Variants in NAALADL2 observed in about 807,000 individuals in gnomAD.
NAALADL2 encodes the protein N-acetylated alpha-linked acidic dipeptidase like 2, also known as inactive N-acetylated-alpha-linked acidic dipeptidase-like protein 2.
In NAALADL2, 76 loss-of-function variants were observed where a neutral mutation model predicts 87.2. The ratio of observed to expected loss-of-function variants is 0.87; its 90% CI spans 0.72 to 1.05. The LOEUF (loss-of-function observed/expected upper bound fraction) is 1.05, where lower values mean the gene tolerates loss of function less well. NAALADL2 is among the 50% of genes least tolerant of loss of function. The probability of loss-of-function intolerance (pLI) is 0.00; values close to 1 mark genes in which losing one functional copy is unlikely to be tolerated. For missense variants in NAALADL2, 1,089 were observed against 945.8 expected, an observed-to-expected ratio of 1.15 and a Z score of -1.99; for synonymous variants, 354 against 331.0, an observed-to-expected ratio of 1.07 and a Z score of -0.75.
intron 10 of NAALADL2, among the ~76,000 whole-genome samples, chr3:175,583,854 A>G (rs980874541): frequency 1.3e-5 from 2 of 152,224 alleles, no homozygotes; most frequent in Non-Finnish European, 2.9e-5. Flanking sequence ...AGGACAAATC[A>G]TATTTGCCAA....
chr3:174,938,670 A>T (rs971768924), intron 1 of NAALADL2, among the ~76,000 whole-genome samples: 1 of 151,874 alleles, frequency 6.6e-6, no homozygotes, highest in African/African-American at 2.4e-5. Context: ...CTTTTCTCCA[A>T]AAACTTGCCA....
chr3:175,555,279 A>G (rs1715072753), intron 9 of NAALADL2, among the ~76,000 whole-genome samples: 1 of 152,228 alleles, frequency 6.6e-6, no homozygotes, highest in Non-Finnish European at 1.5e-5. Flanking sequence ...TATAGTGCTC[A>G]ATTATCAGAA....
intron 2 of NAALADL2, among the ~76,000 whole-genome samples, chr3:174,563,985 G>A (rs774592969): frequency 6.6e-6 from 1 of 152,144 alleles, no homozygotes; most frequent in East Asian, 1.9e-4. Context: ...GAACACTAGG[G>A]TGATCTGTCT....
chr3:175,772,914 A>G (rs1021065538), intron 13 of NAALADL2, among the ~76,000 whole-genome samples: 34 of 152,180 alleles, frequency 2.2e-4, no homozygotes, highest in African/African-American at 7.2e-4. Flanking sequence ...TCTAAAATAC[A>G]TATAAAATAT....
chr3:174,727,051 A>G (rs1732264160), intron 2 of NAALADL2, among the ~76,000 whole-genome samples: 1 of 152,106 alleles, frequency 6.6e-6, no homozygotes, highest in South Asian at 2.1e-4. Context: ...GAATCAGGAA[A>G]TAAAAGAAAG....
intron 2 of NAALADL2, among the ~76,000 whole-genome samples, chr3:174,589,875 A>C (rs992545067): frequency 3.3e-5 from 5 of 151,256 alleles, no homozygotes; most frequent in Admixed American, 2.0e-4. Context: ...TTTTTGAAAA[A>C]AGTCATATAT....
chr3:175,425,082 G>A (rs930540859), intron 5 of NAALADL2, among the ~76,000 whole-genome samples: 7 of 152,136 alleles, frequency 4.6e-5, no homozygotes, highest in African/African-American at 1.7e-4. Context: ...GGGATATTAA[G>A]TATGAGGGAA....
chr3:174,912,865 T>C (rs1056446180), intron 1 of NAALADL2, among the ~76,000 whole-genome samples: 2 of 152,220 alleles, frequency 1.3e-5, no homozygotes, highest in African/African-American at 2.4e-5. Context: ...TGAAAATATT[T>C]GGAATTAGAT....
chr3:175,160,555 C>G (rs1733039353), intron 2 of NAALADL2, among the ~76,000 whole-genome samples: 1 of 151,516 alleles, frequency 6.6e-6, no homozygotes, highest in African/African-American at 2.4e-5. Flanking sequence ...TTTCTCCATA[C>G]TGGTCAGGCT....
chr3:174,600,779 G>A (rs1043202917), intron 2 of NAALADL2, among the ~76,000 whole-genome samples: 1 of 151,980 alleles, frequency 6.6e-6, no homozygotes, highest in Admixed American at 6.6e-5. Flanking sequence ...GATGGGGGAG[G>A]CACCAAACAA....
At chr3:175,107,685 A>C (rs1723441231) in intron 2 of NAALADL2, among the ~76,000 whole-genome samples, 1 of 151,950 alleles carries the variant, frequency 6.6e-6, no homozygotes, top group Non-Finnish European at 1.5e-5. Context: ...TTAACTAATA[A>C]TATGAAAAAT....
At chr3:174,959,948 G>A (rs1352252282) in intron 1 of NAALADL2, among the ~76,000 whole-genome samples, 2 of 151,916 alleles carry the variant, frequency 1.3e-5, no homozygotes, top group Non-Finnish European at 2.9e-5. Flanking sequence ...AAAGTTAATT[G>A]TCCCTTAAAG....
At chr3:175,204,482 T>C (rs187234295) in intron 2 of NAALADL2, among the ~76,000 whole-genome samples, 1 of 152,194 alleles carries the variant, frequency 6.6e-6, no homozygotes, top group East Asian at 1.9e-4. Context: ...ACAGCCAACA[T>C]AATACTGAAT....
intron 4 of NAALADL2, among the ~76,000 whole-genome samples, chr3:175,313,621 T>C (rs1581376022): frequency 6.6e-6 from 1 of 152,220 alleles, no homozygotes. Context: ...AAATCCTACC[T>C]GTGGAATTCA....
At chr3:174,760,976 T>C (rs1455530265) in intron 3 of NAALADL2, among the ~76,000 whole-genome samples, 1 of 152,180 alleles carries the variant, frequency 6.6e-6, no homozygotes, top group Admixed American at 6.5e-5. Context: ...TTCCTAATGA[T>C]CCCCACACAG....
At position 175,627,401 on chromosome 3, in the gene NAALADL2, CA is replaced by C; in HGVS notation, c.1896+16del. 1 of 1,466,938 alleles carries C rather than the reference CA, an allele frequency of 6.8e-7. No individual in the cohort carries two copies. The highest frequency in any genetic ancestry group is 9.3e-7 in the Non-Finnish European group (1 of 1,075,698). The allele number at this position is 1,466,938 out of a possible 1,614,324, so 90.9% of individuals were successfully genotyped here. A position where few individuals can be genotyped will look rare whatever the true frequency, so the allele number is the denominator to read the frequency against. On this transcript the variant is annotated intron_variant, in intron 11 of 13. Transcript: ENST00000454872. Reference sequence around the variant, plus strand: ...CCATTACTAAGGTAGGGGAGAAATGCATTCAAAAATAGGTGAGAAATATTTG... The same window carrying C: ...CCATTACTAAGGTAGGGGAGAAATGCTTCAAAAATAGGTGAGAAATATTTG...
intron 2 of NAALADL2, among the ~76,000 whole-genome samples, chr3:175,129,431 T>C (rs1727462903): frequency 6.6e-6 from 1 of 152,234 alleles, no homozygotes; most frequent in Non-Finnish European, 1.5e-5. Flanking sequence ...CATTAATCTT[T>C]TAACTAAAAA....
chr3:175,220,800 A>G (rs1186703784), intron 2 of NAALADL2, among the ~76,000 whole-genome samples: 1 of 151,606 alleles, frequency 6.6e-6, no homozygotes, highest in Non-Finnish European at 1.5e-5. Context: ...TTTTTCTTTC[A>G]TTTTTAAAAA....
intron 3 of NAALADL2, among the ~76,000 whole-genome samples, chr3:174,832,762 G>C (rs1415163277): frequency 6.6e-6 from 1 of 152,100 alleles, no homozygotes; most frequent in Non-Finnish European, 1.5e-5. Context: ...CACTGCACCT[G>C]GCCAATATTA....
Sources: gnomAD v4.1 joint callset for allele counts (sites outside exome capture counted in the v4.1 genomes callset) on GRCh38, gnomAD v4.1.1 for gene constraint, MANE v1.5 for transcripts, NCBI Gene and HGNC (gene_info 2026-07-23, HGNC 2026-07-21) for gene names.